Variants in MCTP1 observed in about 807,000 individuals in gnomAD.
MCTP1 encodes multiple C2 and transmembrane domain containing 1.
In MCTP1, 69 loss-of-function variants were observed where a neutral mutation model predicts 120.6. That is an observed-to-expected ratio of 0.57 (90% confidence interval 0.47 to 0.70). The LOEUF (loss-of-function observed/expected upper bound fraction) is 0.70. MCTP1 is among the 30% of genes least tolerant of loss of function. The pLI is 0.00. For missense variants in MCTP1, 1,203 were observed against 1,248.8 expected, an observed-to-expected ratio of 0.96 and a Z score of 0.55; for synonymous variants, 529 against 493.1, an observed-to-expected ratio of 1.07 and a Z score of -0.96.
chr5:94,885,451 C>T (rs1161184112), intron 12 of MCTP1, among the ~76,000 whole-genome samples: 2 of 152,048 alleles, frequency 1.3e-5, no homozygotes, highest in Admixed American at 6.6e-5. Flanking sequence ...CAAAGAAAGC[C>T]TCACTCAATA....
chr5:95,056,038 A>G (rs926984181), intron 1 of MCTP1, among the ~76,000 whole-genome samples: 1 of 152,228 alleles, frequency 6.6e-6, no homozygotes, highest in African/African-American at 2.4e-5. Context: ...ACACATGCAC[A>G]CTATGTAATT....
intron 1 of MCTP1, among the ~76,000 whole-genome samples, chr5:95,124,471 A>G (rs1344368123): frequency 1.3e-5 from 2 of 152,262 alleles, no homozygotes; most frequent in Non-Finnish European, 2.9e-5. Context: ...GAGAACCTTG[A>G]CTAATACAGA....
intron 3 of MCTP1, among the ~76,000 whole-genome samples, chr5:94,946,697 G>T (rs1302961988): frequency 6.6e-6 from 1 of 152,080 alleles, no homozygotes. Flanking sequence ...TCAAGGCTTT[G>T]TCTCAGCATC....
chr5:94,813,796 G>A (rs1047812999), intron 17 of MCTP1, among the ~76,000 whole-genome samples: 3 of 151,980 alleles, frequency 2.0e-5, no homozygotes, highest in African/African-American at 7.3e-5. Context: ...AGTCTGCAGT[G>A]AGCCATAATT....
intron 1 of MCTP1, among the ~76,000 whole-genome samples, chr5:95,060,078 T>C (rs1345819681): frequency 5.3e-5 from 8 of 152,142 alleles, no homozygotes; most frequent in Admixed American, 5.2e-4. Flanking sequence ...AGGTCACAGA[T>C]CCCAAGCCTG....
intron 3 of MCTP1, among the ~76,000 whole-genome samples, chr5:94,948,507 G>C (rs1361904804): frequency 6.6e-6 from 1 of 151,992 alleles, no homozygotes; most frequent in Admixed American, 6.6e-5. Flanking sequence ...CATGCATTTA[G>C]GAAGTGTTTT....
At chr5:94,849,095 G>A (rs1793122493) in intron 17 of MCTP1, among the ~76,000 whole-genome samples, 1 of 151,882 alleles carries the variant, frequency 6.6e-6, no homozygotes, top group African/African-American at 2.4e-5. Context: ...AAAATCCAGT[G>A]GGTTCTTTGG....
At chr5:94,898,311 G>A (rs945175602) in intron 10 of MCTP1, among the ~76,000 whole-genome samples, 1 of 152,296 alleles carries the variant, frequency 6.6e-6, no homozygotes, top group East Asian at 1.9e-4. Flanking sequence ...TTCTACTCGA[G>A]AGTAAGATGC....
chr5:94,957,551 A>G (rs1379224310), intron 2 of MCTP1, among the ~76,000 whole-genome samples: 1 of 152,168 alleles, frequency 6.6e-6, no homozygotes, highest in East Asian at 1.9e-4. Flanking sequence ...GGCTCAAAAC[A>G]AAGGGATGGA....
chr5:94,923,933 A>T (rs748002838), intron 7 of MCTP1, 29 bp downstream of exon 7: 1 of 1,420,358 alleles, frequency 7.0e-7, no homozygotes, highest in African/African-American at 1.5e-5. Flanking sequence ...AAAAATCAAG[A>T]ATATTAACAA....
intron 19 of MCTP1, among the ~76,000 whole-genome samples, chr5:94,757,990 T>C (rs918279962): frequency 6.6e-6 from 1 of 152,066 alleles, no homozygotes; most frequent in Non-Finnish European, 1.5e-5. Context: ...ATTAATGTCT[T>C]CAGGAAACAA....
intron 12 of MCTP1, among the ~76,000 whole-genome samples, chr5:94,876,857 T>C (rs1798982985): frequency 6.6e-6 from 1 of 151,986 alleles, no homozygotes; most frequent in African/African-American, 2.4e-5. Flanking sequence ...TAGAGAGAAA[T>C]AGGAATGCTT....
At chr5:95,248,457 T>C (rs963967544) in intron 1 of MCTP1, among the ~76,000 whole-genome samples, 1 of 152,120 alleles carries the variant, frequency 6.6e-6, no homozygotes, top group Admixed American at 6.6e-5. Flanking sequence ...GAATCCAAGT[T>C]ACACAGGATG....
At chr5:94,996,371 C>T (rs1832623823) in intron 2 of MCTP1, among the ~76,000 whole-genome samples, 2 of 152,130 alleles carry the variant, frequency 1.3e-5, no homozygotes, top group South Asian at 2.1e-4. Context: ...CAACTTCAGG[C>T]AATGCTGCAT....
chr5:95,276,247 T>G lies in MCTP1; in HGVS notation c.720+7609A>C, dbSNP rs1266297163. 1.4e-4 allele frequency among the ~76,000 whole-genome samples: 17 copies of G among 120,520 alleles called. No individual in the cohort carries two copies. In the Admixed American group the frequency reaches 1.7e-3, roughly 12 times the overall value. The allele number at this position is 120,520 out of a possible 152,430, so 79.1% of individuals were successfully genotyped here. On this transcript the variant is annotated intron_variant, in intron 1 of 22. Coordinates refer to ENST00000515393, the MANE Select transcript of MCTP1 (RefSeq NM_024717.7). ...TGAGGACAGGATTCTTGGTCAATAT[T>G]GGGATTTTTTTTTTTTTTTTTTTTT...
At chr5:95,068,725 T>C (rs1390356619) in intron 1 of MCTP1, 8 of 1,052,700 alleles carry the variant, frequency 7.6e-6, no homozygotes, top group South Asian at 4.4e-5. Flanking sequence ...ATAAAGCTTT[T>C]ATGCCTAATT....
At chr5:94,799,829 G>A (rs1780822665) in intron 17 of MCTP1, among the ~76,000 whole-genome samples, 1 of 152,190 alleles carries the variant, frequency 6.6e-6, no homozygotes, top group African/African-American at 2.4e-5. Context: ...GTTAGATTAA[G>A]AACTCAGGGT....
intron 19 of MCTP1, among the ~76,000 whole-genome samples, chr5:94,737,835 C>A (rs1381073438): frequency 6.6e-6 from 1 of 152,098 alleles, no homozygotes; most frequent in Admixed American, 6.5e-5. Flanking sequence ...CGCCACCACA[C>A]TTGGTTAATT....
intron 1 of MCTP1, among the ~76,000 whole-genome samples, chr5:95,262,773 A>C: frequency 6.6e-6 from 1 of 152,242 alleles, no homozygotes; most frequent in East Asian, 1.9e-4. Context: ...CAAAATATCA[A>C]AACTCTTCAA....
Sources: allele counts gnomAD v4.1 joint callset (sites outside exome capture counted in the v4.1 genomes callset), GRCh38; gene constraint gnomAD v4.1.1; transcripts MANE v1.5; gene names NCBI Gene and HGNC (gene_info 2026-07-23, HGNC 2026-07-21).